PLD5: variants seen among roughly 807,000 people sequenced by gnomAD.
The protein encoded by PLD5 is phospholipase D family member 5, also known as inactive phospholipase D5.
A neutral mutation model predicts 61.1 loss-of-function variants in PLD5; 36 were observed. The ratio of observed to expected loss-of-function variants is 0.59; its 90% CI spans 0.45 to 0.78. PLD5 has a LOEUF of 0.78. Among genes scored for constraint, PLD5 ranks in the 30% least tolerant of loss-of-function variants. The pLI is 0.00. For synonymous variants in PLD5, 243 were observed against 242.8 expected (o/e 1.00, Z -0.01); for missense variants, 515 against 644.4 (o/e 0.80, Z 2.17).
At chr1:242,275,119 T>A (rs1380876795) in intron 3 of PLD5, among the ~76,000 whole-genome samples, 1 of 152,116 alleles carries the variant, frequency 6.6e-6, no homozygotes, top group Non-Finnish European at 1.5e-5. Flanking sequence ...GAAATATAAC[T>A]GATTGAACAT....
chr1:242,270,830 A>G (rs892315505), intron 3 of PLD5, among the ~76,000 whole-genome samples: 20 of 152,304 alleles, frequency 1.3e-4, no homozygotes, highest in East Asian at 9.7e-4. Flanking sequence ...AAACCATCCA[A>G]TGCTATATCT....
At chr1:242,155,346 T>A (rs1031643182) in intron 5 of PLD5, among the ~76,000 whole-genome samples, 1 of 152,210 alleles carries the variant, frequency 6.6e-6, no homozygotes, top group African/African-American at 2.4e-5. Context: ...TGTCTCTATC[T>A]CCTTCAGTTC....
At chr1:242,459,462 C>A (rs981838024) in intron 1 of PLD5, among the ~76,000 whole-genome samples, 1 of 152,118 alleles carries the variant, frequency 6.6e-6, no homozygotes, top group Non-Finnish European at 1.5e-5. Flanking sequence ...ATTTGTGCTA[C>A]TGGTTTATTG....
intron 5 of PLD5, among the ~76,000 whole-genome samples, chr1:242,140,442 G>A (rs543558579): frequency 1.1e-4 from 11 of 95,658 alleles, no homozygotes; most frequent in Admixed American, 1.8e-4. Context: ...CCAGGAGTTC[G>A]AGACCAGCCT....
chr1:242,473,212 T>C, intron 1 of PLD5, among the ~76,000 whole-genome samples: 1 of 152,196 alleles, frequency 6.6e-6, no homozygotes, highest in East Asian at 1.9e-4. Context: ...GACATACTTC[T>C]TGTGGATTAA....
At chr1:242,398,766 G>A (rs1257948465) in intron 1 of PLD5, among the ~76,000 whole-genome samples, 2 of 152,128 alleles carry the variant, frequency 1.3e-5, no homozygotes, top group Non-Finnish European at 2.9e-5. Context: ...AGCCTTTTGC[G>A]AACTTCCAGC....
intron 3 of PLD5, among the ~76,000 whole-genome samples, chr1:242,287,242 C>T (rs1675078135): frequency 6.6e-6 from 1 of 152,180 alleles, no homozygotes; most frequent in Non-Finnish European, 1.5e-5. Flanking sequence ...GATTCTCCAT[C>T]CCCAGGCAAC....
chr1:242,271,201 CAGAGAGAGAGAGAGAGAGAG>C (rs60075638), intron 3 of PLD5, among the ~76,000 whole-genome samples: 28 of 102,100 alleles, frequency 2.7e-4, no homozygotes, highest in African/African-American at 1.2e-3. Context: ...CACACACACA[CAGAGAGAGAGAGAGAGAGAG>C]AGAGAGAGAG....
chr1:242,236,090 AG>A, intron 4 of PLD5, among the ~76,000 whole-genome samples: 1 of 152,270 alleles, frequency 6.6e-6, no homozygotes, highest in Non-Finnish European at 1.5e-5. Flanking sequence ...CTTACAGAAG[AG>A]GCCCCAGAGA....
intron 4 of PLD5, among the ~76,000 whole-genome samples, chr1:242,249,823 C>T (rs1341225889): frequency 6.6e-6 from 1 of 152,158 alleles, no homozygotes; most frequent in East Asian, 1.9e-4. Flanking sequence ...TTATATCAAC[C>T]TTTCAAATGC....
At chr1:242,289,408 G>A (rs1005408409) in intron 2 of PLD5, among the ~76,000 whole-genome samples, 1 of 152,114 alleles carries the variant, frequency 6.6e-6, no homozygotes, top group African/African-American at 2.4e-5. Flanking sequence ...GAGTGCAGTG[G>A]TGCGATCTTG....
At chr1:242,327,168 AT>A (rs200020344) in intron 2 of PLD5, among the ~76,000 whole-genome samples, 13,168 of 146,998 alleles carry the variant, frequency 0.09, 693 homozygotes, top group East Asian at 0.24. Flanking sequence ...CCTGGCGCTA[AT>A]TTTTTTTTTT....
At chr1:242,394,990 T>TATATGAATATATATGAAC (rs1663428843) in intron 1 of PLD5, among the ~76,000 whole-genome samples, 3 of 58,794 alleles carry the variant, frequency 5.1e-5, no homozygotes, top group African/African-American at 2.3e-4. Context: ...TATATATGAA[T>TATATGAATATATATGAAC]ATATATGTAT....
intron 2 of PLD5, among the ~76,000 whole-genome samples, chr1:242,301,457 ATC>A (rs760967002): frequency 6.6e-6 from 1 of 152,080 alleles, no homozygotes; most frequent in East Asian, 1.9e-4. Flanking sequence ...ACAGGGAAAT[ATC>A]TCTGTCTCCC....
At chr1:242,518,772 T>A (rs533284689) in intron 1 of PLD5, among the ~76,000 whole-genome samples, 1 of 152,344 alleles carries the variant, frequency 6.6e-6, no homozygotes, top group East Asian at 1.9e-4. Flanking sequence ...CCTATGATTA[T>A]GTTAAAATAA....
intron 4 of PLD5, among the ~76,000 whole-genome samples, chr1:242,257,561 G>A (rs189092712): frequency 1.6e-4 from 25 of 152,278 alleles, no homozygotes; most frequent in African/African-American, 6.0e-4. Context: ...GTACAACATG[G>A]TGATAACAGT....
At position 242,236,205 on chromosome 1, in the gene PLD5, C is replaced by G. The variant is rs148283994; in HGVS notation, c.608-16090G>C. ...ACATGGAATCTGCCAGCACCTTGAC[C>G]CTGGACTTTCCAGCCTCCTGAACTG... On this transcript the variant is annotated intron_variant, in intron 4 of 9. Transcript: ENST00000536534. Among the ~76,000 whole-genome samples the G allele has an allele frequency of 2.3e-3, 352 of 152,252 alleles. 1 individual carries two copies. Among genetic ancestry groups the G allele is most frequent in the African/African-American group, 8.3e-3 (343 of 41,552 alleles).
intron 2 of PLD5, 157 bp downstream of exon 2, chr1:242,347,949 A>C: frequency 1.3e-6 from 1 of 750,070 alleles, no homozygotes; most frequent in Non-Finnish European, 2.1e-6. Context: ...CTTGCCCTAA[A>C]AGTAAGAGTA....
chr1:242,419,572 A>ATATTTT (rs1553372083), intron 1 of PLD5, among the ~76,000 whole-genome samples: 5 of 97,090 alleles, frequency 5.1e-5, no homozygotes, highest in African/African-American at 2.2e-4. Context: ...AATTTTTTGC[A>ATATTTT]TTTTTTTTTT....
Sources: allele counts gnomAD v4.1 joint callset (sites outside exome capture counted in the v4.1 genomes callset), GRCh38; gene constraint gnomAD v4.1.1; transcripts MANE v1.5; gene names NCBI Gene and HGNC (gene_info 2026-07-23, HGNC 2026-07-21).